Variants in NCALD observed in about 807,000 individuals in gnomAD.
The protein encoded by NCALD is neurocalcin delta, also known as neurocalcin-delta.
NCALD carries 10 observed loss-of-function variants against 18.6 expected under a neutral mutation model. That is an observed-to-expected ratio of 0.54 (90% CI 0.33 to 0.91). The LOEUF is 0.91. Ranked by LOEUF, NCALD falls within the 40% of genes least tolerant of loss-of-function variation. The probability of loss-of-function intolerance (pLI) is 0.03; values close to 1 mark genes in which losing one functional copy is unlikely to be tolerated. For missense variants in NCALD, 184 were observed against 247.6 expected, an observed-to-expected ratio of 0.74 and a Z score of 1.72; for synonymous variants, 88 against 87.4, an observed-to-expected ratio of 1.01 and a Z score of -0.04.
At chr8:101,846,896 G>A (rs936368563) in intron 4 of NCALD, among the ~76,000 whole-genome samples, 1 of 152,174 alleles carries the variant, frequency 6.6e-6, no homozygotes, top group African/African-American at 2.4e-5. Context: ...CATGGTGGGA[G>A]TGGACATTTC....
chr8:101,806,799 T>G (rs1293504154), intron 4 of NCALD, among the ~76,000 whole-genome samples: 8 of 151,340 alleles, frequency 5.3e-5, no homozygotes. Context: ...ATGTACACAT[T>G]AAAGAAGCTA....
At chr8:101,715,066 G>C (rs953112557) in intron 2 of NCALD, among the ~76,000 whole-genome samples, 9 of 151,612 alleles carry the variant, frequency 5.9e-5, no homozygotes, top group Non-Finnish European at 1.2e-4. Flanking sequence ...ATACTACAAG[G>C]CTACAGTAAC....
At chr8:101,763,460 CAG>C (rs1279908593) in intron 1 of NCALD, among the ~76,000 whole-genome samples, 6 of 152,162 alleles carry the variant, frequency 3.9e-5, no homozygotes, top group African/African-American at 1.4e-4. Context: ...GGGAAAGGTA[CAG>C]AGTCACATTT....
At chr8:101,966,720 C>T (rs1359108619) in intron 2 of NCALD, among the ~76,000 whole-genome samples, 1 of 152,076 alleles carries the variant, frequency 6.6e-6, no homozygotes, top group East Asian at 1.9e-4. Flanking sequence ...CTTAAACTTG[C>T]TCTCCAATCT....
At chr8:101,928,690 T>TA (rs1490467307) in intron 2 of NCALD, among the ~76,000 whole-genome samples, 1 of 152,188 alleles carries the variant, frequency 6.6e-6, no homozygotes, top group Admixed American at 6.5e-5. Context: ...ATCTCCTGTT[T>TA]ATTCATTTTC....
chr8:101,959,260 T>G (rs1325823276), intron 2 of NCALD, among the ~76,000 whole-genome samples: 1 of 152,174 alleles, frequency 6.6e-6, no homozygotes, highest in African/African-American at 2.4e-5. Flanking sequence ...GTTTTTCTGA[T>G]GTATTCTCAC....
chr8:102,102,230 C>CA (rs772486611), intron 1 of NCALD, among the ~76,000 whole-genome samples: 113 of 151,528 alleles, frequency 7.5e-4, no homozygotes, highest in Admixed American at 8.6e-4. Flanking sequence ...GCAGGTAATA[C>CA]AAAAAAAAAT....
At position 102,045,659 on chromosome 8, in the gene NCALD, G is replaced by A. The variant is rs115603847; in HGVS notation, c.-209-25370C>T. On this transcript the variant is annotated intron_variant, in intron 1 of 6. Transcript: ENST00000311028. ...AAACATTTTTTTTAACACAATCCAC[G>A]GAGAACAAAAAAATTCATTGTGACG... 7.6e-3 allele frequency among the ~76,000 whole-genome samples: 1,159 copies of A among 151,858 alleles called. 14 individuals carry two copies. The highest frequency in any genetic ancestry group is 0.022 in the African/African-American group (903 of 41,418).
In NCALD at chr8:101,742,257, G is replaced by A. The variant is rs1037823928; in HGVS notation, c.-19-22609C>T. On this transcript the variant is annotated intron_variant, in intron 1 of 3. Transcript: ENST00000220931. ...AAAAAAAAAAGAAAGAAAGAAAAAG[G>A]AAATTCATCCACATAATTTTATTGA... Among the ~76,000 whole-genome samples, 58 of 151,768 alleles carry A rather than the reference G, an allele frequency of 3.8e-4. 2 individuals are homozygous for A. Among genetic ancestry groups the A allele is most frequent in the Admixed American group, 3.8e-3 (58 of 15,226 alleles).
At chr8:101,977,518 C>T (rs1243669046) in intron 2 of NCALD, among the ~76,000 whole-genome samples, 1 of 152,172 alleles carries the variant, frequency 6.6e-6, no homozygotes, top group Admixed American at 6.5e-5. Flanking sequence ...TTCAAATTAG[C>T]TGAATGTTCA....
chr8:101,927,814 TCAGACCA>T (rs1818394165), intron 2 of NCALD, among the ~76,000 whole-genome samples: 1 of 152,140 alleles, frequency 6.6e-6, no homozygotes, highest in Non-Finnish European at 1.5e-5. Flanking sequence ...CTTCAGCTGC[TCAGACCA>T]CAGGGGAGAG....
chr8:101,986,891 G>T lies in NCALD; in HGVS notation c.-157+33346C>A, dbSNP rs574753953. 1.0e-3 allele frequency among the ~76,000 whole-genome samples: 124 copies of T among 118,840 alleles called. 3 individuals carry two copies. The South Asian group carries it at 0.031, about 29-fold the overall frequency. The allele number at this position is 118,840 out of a possible 152,430, so 78.0% of individuals were successfully genotyped here. A position where few individuals can be genotyped will look rare whatever the true frequency, so the allele number is the denominator to read the frequency against. On this transcript the variant is annotated intron_variant, in intron 2 of 6. Transcript: ENST00000311028. ...TTTGAGCTTGAGCCAGCCAGCTGGG[G>T]TTGATAAGAATGTGAGGGGAGCGAA... is the stretch of plus-strand genomic sequence containing the variant.
intron 4 of NCALD, among the ~76,000 whole-genome samples, chr8:101,853,010 A>G (rs1344721865): frequency 6.6e-6 from 1 of 152,172 alleles, no homozygotes; most frequent in East Asian, 1.9e-4. Context: ...GCAGCATTAC[A>G]TAGTAGTTAA....
intron 2 of NCALD, among the ~76,000 whole-genome samples, chr8:101,992,508 G>A (rs1418006121): frequency 1.3e-5 from 2 of 152,192 alleles, no homozygotes; most frequent in African/African-American, 4.8e-5. Flanking sequence ...GAGGTCAACT[G>A]TGCTGGTCCA....
chr8:102,096,908 T>G (rs1825121664), intron 1 of NCALD, among the ~76,000 whole-genome samples: 1 of 152,188 alleles, frequency 6.6e-6, no homozygotes, highest in East Asian at 1.9e-4. Context: ...CTGGACACCC[T>G]CCACTGGTAA....
chr8:101,713,655 C>G (rs1219157777), intron 2 of NCALD, among the ~76,000 whole-genome samples: 1 of 152,116 alleles, frequency 6.6e-6, no homozygotes, highest in Non-Finnish European at 1.5e-5. Flanking sequence ...ATAAACACCT[C>G]TACACAAATA....
intron 4 of NCALD, among the ~76,000 whole-genome samples, chr8:101,815,716 A>G (rs879605566): frequency 6.6e-6 from 1 of 152,194 alleles, no homozygotes; most frequent in Non-Finnish European, 1.5e-5. Flanking sequence ...CAGTACAGCC[A>G]CTTTGGAAGA....
At chr8:101,782,436 A>G (rs562157890) in intron 1 of NCALD, among the ~76,000 whole-genome samples, 1 of 152,308 alleles carries the variant, frequency 6.6e-6, no homozygotes, top group South Asian at 2.1e-4. Context: ...AAAGAAACAG[A>G]GTCACTAAAA....
chr8:101,753,317 T>C (rs893437759), intron 1 of NCALD, among the ~76,000 whole-genome samples: 94 of 152,240 alleles, frequency 6.2e-4, no homozygotes, highest in African/African-American at 2.1e-3. Flanking sequence ...ATGGGAGATA[T>C]TGAGAACCTG....
Sources: gnomAD v4.1 joint callset for allele counts (sites outside exome capture counted in the v4.1 genomes callset) on GRCh38, gnomAD v4.1.1 for gene constraint, MANE v1.5 for transcripts, NCBI Gene and HGNC (gene_info 2026-07-23, HGNC 2026-07-21) for gene names.